The following WDR17 variants were observed in gnomAD, a reference collection of about 807,000 sequenced individuals.
The protein encoded by WDR17 is WD repeat-containing protein 17.
Under a neutral mutation model 161.7 loss-of-function variants are expected in WDR17, and 143 were observed. The observed-to-expected ratio is 0.88, with a 90% CI of 0.77 to 1.02. The LOEUF (loss-of-function observed/expected upper bound fraction) is 1.02. Among genes scored for constraint, WDR17 ranks in the 50% least tolerant of loss-of-function variants. The pLI, the probability that WDR17 is intolerant of heterozygous loss-of-function variation, is 0.00. For missense variants in WDR17, 1,469 were observed against 1,520.9 expected (o/e 0.97, Z 0.57); for synonymous variants, 517 against 515.6 (o/e 1.00, Z -0.04).
chr4:176,156,150 CAG>C lies in WDR17; in HGVS notation c.2525+14_2525+15del. 6.2e-7 allele frequency: 1 copy of C among 1,612,164 alleles called. No individual in the cohort carries two copies. The highest frequency in any genetic ancestry group is 8.5e-7 in the Non-Finnish European group (1 of 1,179,108). The stretch of plus-strand genomic sequence containing the variant: ...GGAAGAAGTTAATGCAGAGGTAAGG[CAG>C]AGAGAGTCCGTGTTAAAACAGATGT... On this transcript the variant is annotated splice_region_variant and intron_variant, in intron 18 of 28. Coordinates refer to ENST00000508596, the MANE Select transcript of WDR17 (RefSeq NM_181265.4).
intron 9 of WDR17, among the ~76,000 whole-genome samples, chr4:176,138,152 C>T (rs1229356647): frequency 6.6e-6 from 1 of 151,354 alleles, no homozygotes; most frequent in African/African-American, 2.4e-5. Context: ...TTACTGAGTT[C>T]CATTAATATT....
rs187063355 is a variant in WDR17 at position 176,130,711 on chromosome 4, C to G, written c.914-843C>G. On this transcript the variant is annotated intron_variant, in intron 6 of 28. Transcript: ENST00000508596. ...AGTGAGCCGAGATCATGCCACAGCACTCCAGCCCGGGCAACAGAGCGAGAC... is the reference window on the plus strand; with the variant it reads ...AGTGAGCCGAGATCATGCCACAGCAGTCCAGCCCGGGCAACAGAGCGAGAC... Among the ~76,000 whole-genome samples, 328 of 148,654 alleles carry G rather than the reference C, an allele frequency of 2.2e-3. 1 individual carries two copies. The highest frequency in any genetic ancestry group is 0.014 in the South Asian group (65 of 4,736).
In WDR17 at chr4:176,139,185, G is replaced by T. The variant is rs897038317; in HGVS notation, c.1360-707G>T. On this transcript the variant is annotated intron_variant, in intron 9 of 28. Coordinates refer to ENST00000508596, the MANE Select transcript of WDR17 (RefSeq NM_181265.4). ...TTAGTTTCCTCTTAATGGAATTTAAGTACTATATAAAGTAGAACTGTTTTT... is the reference window on the plus strand; with the variant it reads ...TTAGTTTCCTCTTAATGGAATTTAATTACTATATAAAGTAGAACTGTTTTT... Among the ~76,000 whole-genome samples, 3 of 151,854 alleles carry T rather than the reference G, an allele frequency of 2.0e-5. No homozygotes were observed. The South Asian group carries it at 6.2e-4, about 31-fold the overall frequency.
rs777068578 is a variant in WDR17 at position 176,161,964 on chromosome 4, T to C, written c.2751-111T>C. 227 of 895,368 alleles carry C rather than the reference T, an allele frequency of 2.5e-4. 2 individuals carry two copies. The highest frequency in any genetic ancestry group is 4.6e-4 in the South Asian group (24 of 52,148). 55.5% of individuals were successfully genotyped at this position (895,368 alleles called of 1,614,324 possible). ...CAAAAACAAGTCTTTAAAGCAAGCA[T>C]GTCAAATTAAATTTTATTTGGTCTT... On this transcript the variant is annotated intron_variant, in intron 20 of 28. Transcript: ENST00000508596.
chr4:176,179,434 C>T, intron 28 of WDR17, 26 bp from the exon 29 acceptor site: 1 of 1,485,476 alleles, frequency 6.7e-7, no homozygotes, highest in Admixed American at 2.3e-5. Context: ...ATCTCATCTT[C>T]TCTTTCCTCA....
At chr4:176,098,815 AT>A (rs1030589864) in intron 1 of WDR17, among the ~76,000 whole-genome samples, 16 of 151,138 alleles carry the variant, frequency 1.1e-4, no homozygotes, top group African/African-American at 2.2e-4. Context: ...AAAAATATCT[AT>A]TTTTTTTGAA....
At chr4:176,088,325 CT>C (rs1376404409) in intron 1 of WDR17, among the ~76,000 whole-genome samples, 1 of 152,052 alleles carries the variant, frequency 6.6e-6, no homozygotes, top group Non-Finnish European at 1.5e-5. Flanking sequence ...GTGATGAATG[CT>C]TGTAATCCCA....
chr4:176,068,861 A>G (rs1732856062), intron 1 of WDR17, among the ~76,000 whole-genome samples: 1 of 152,208 alleles, frequency 6.6e-6, no homozygotes, highest in Non-Finnish European at 1.5e-5. Flanking sequence ...CTCCCAAAGA[A>G]TCTACTCTAT....
chr4:176,140,475 C>T (rs1022260847), intron 10 of WDR17, among the ~76,000 whole-genome samples: 1 of 151,932 alleles, frequency 6.6e-6, no homozygotes, highest in South Asian at 2.1e-4. Flanking sequence ...CTTCACTGAC[C>T]CTGTGTTTTA....
intron 5 of WDR17, among the ~76,000 whole-genome samples, chr4:176,126,236 G>A (rs1742427701): frequency 6.6e-6 from 1 of 152,180 alleles, no homozygotes; most frequent in African/African-American, 2.4e-5. Flanking sequence ...TAGTCAAGAG[G>A]TCATGAGAGA....
Position 176,160,105 on chromosome 4 carries a change from A to C in WDR17, c.2637A>C (p.Lys879Asn), listed in dbSNP as rs2126846040. Reference sequence around the variant, plus strand: ...TTTTCATGTCAAGAGGTCAGCTTAAAGAAGCTCTGCTTGTTGCACAGGTAA... The same window carrying C: ...TTTTCATGTCAAGAGGTCAGCTTAACGAAGCTCTGCTTGTTGCACAGGTAA... ...VHFFMSRGQL[K>N]EALLVAQAAC... Residue 879 changes from lysine to asparagine, a missense_variant, in exon 19 of 29, where the codon AAA (lysine) becomes AAC (asparagine). By Grantham distance (94) the Lys-to-Asn change is moderately conservative. Transcript: ENST00000508596. The C allele has an allele frequency of 6.2e-7, 1 of 1,613,830 alleles. No homozygotes were observed. The highest frequency in any genetic ancestry group is 2.2e-5 in the East Asian group (1 of 44,870).
At chr4:176,085,136 A>G (rs1735268324) in intron 1 of WDR17, among the ~76,000 whole-genome samples, 1 of 152,030 alleles carries the variant, frequency 6.6e-6, no homozygotes, top group Non-Finnish European at 1.5e-5. Flanking sequence ...TCATACATAA[A>G]AAAAATCTGC....
chr4:176,150,325 T>C (rs1746917097), intron 15 of WDR17, 143 bp from the exon 16 acceptor site: 7 of 1,441,748 alleles, frequency 4.9e-6, no homozygotes, highest in Non-Finnish European at 6.5e-6. Flanking sequence ...AATGTAAAAC[T>C]AGAAACAATA....
intron 1 of WDR17, among the ~76,000 whole-genome samples, chr4:176,103,727 A>C (rs1464832241): frequency 6.6e-6 from 1 of 152,106 alleles, no homozygotes; most frequent in Non-Finnish European, 1.5e-5. Context: ...TCTGAGGAAC[A>C]GAAAGAAATT....
Position 176,163,311 on chromosome 4 carries a change from C to T in WDR17, c.2990+18C>T. 3 of 1,584,792 alleles carry T rather than the reference C, an allele frequency of 1.9e-6. No homozygotes were observed. The highest frequency in any genetic ancestry group is 2.6e-6 in the Non-Finnish European group (3 of 1,168,354). On this transcript the variant is annotated intron_variant, in intron 22 of 28. Transcript: ENST00000508596. ...TCAGTATGGTAAGAATTTTGAAATT[C>T]AAAGAATAATTTCATAGTGATGGAA...
chr4:176,122,321 G>A (rs779651254), intron 4 of WDR17, among the ~76,000 whole-genome samples: 1 of 152,164 alleles, frequency 6.6e-6, no homozygotes, highest in Non-Finnish European at 1.5e-5. Flanking sequence ...GATCATCTGC[G>A]AAGGCCCTAA....
chr4:176,125,811 G>A (rs1036924474), intron 5 of WDR17, among the ~76,000 whole-genome samples: 3 of 152,102 alleles, frequency 2.0e-5, no homozygotes, highest in Admixed American at 1.3e-4. Context: ...CACAAGCTGA[G>A]TAATCTATAA....
At chr4:176,113,362 G>T (rs549777338) in intron 2 of WDR17, among the ~76,000 whole-genome samples, 1 of 152,096 alleles carries the variant, frequency 6.6e-6, no homozygotes, top group African/African-American at 2.4e-5. Flanking sequence ...AAGTTTCTAT[G>T]TCTTAAATTT....
chr4:176,082,763 A>G (rs1363516206), intron 1 of WDR17, among the ~76,000 whole-genome samples: 1 of 152,122 alleles, frequency 6.6e-6, no homozygotes, highest in African/African-American at 2.4e-5. Context: ...TATTTTCTCC[A>G]ATGTTAGATT....
Sources: allele counts gnomAD v4.1 joint callset (sites outside exome capture counted in the v4.1 genomes callset), GRCh38; gene constraint gnomAD v4.1.1; transcripts MANE v1.5; gene names NCBI Gene and HGNC (gene_info 2026-07-23, HGNC 2026-07-21).